PCSK5: variants seen among roughly 807,000 people sequenced by gnomAD.
The protein encoded by PCSK5 is proprotein convertase subtilisin/kexin type 5, also known as prohormone convertase 5.
In PCSK5, 129 loss-of-function variants were observed where a neutral mutation model predicts 233.2. The ratio of observed to expected loss-of-function variants is 0.55; its 90% confidence interval spans 0.48 to 0.64. PCSK5 has a LOEUF of 0.64. PCSK5 is among the 30% of genes least tolerant of loss of function. PCSK5 has a pLI of 0.00. For synonymous variants in PCSK5, 825 were observed against 879.2 expected (o/e 0.94, Z 1.09); for missense variants, 2,076 against 2,430.1 (o/e 0.85, Z 3.06).
chr9:76,185,062 C>T (rs1824037707), intron 17 of PCSK5, among the ~76,000 whole-genome samples: 1 of 152,150 alleles, frequency 6.6e-6, no homozygotes, highest in East Asian at 1.9e-4. Context: ...CTGCATTGTG[C>T]CAGTCAAGGA....
rs147036208 is a variant in PCSK5, at chr9:76,109,438, T to TAAA, written c.1208+2087_1208+2088insAAA. ...ATATTACTGTAACACTATTATTTTT[T>TAAA]TAAAAAAAAAACAGTTCTTTTAATC... On this transcript the variant is annotated intron_variant, in intron 9 of 37. Transcript: ENST00000674117. Among the ~76,000 whole-genome samples the TAAA allele has an allele frequency of 5.6e-3, 420 of 75,120 alleles. 2 individuals are homozygous for TAAA. The highest frequency in any genetic ancestry group is 8.1e-3 in the Admixed American group (73 of 9,000). 49.3% of individuals were successfully genotyped at this position (75,120 alleles called of 152,430 possible). A position where few individuals can be genotyped will look rare whatever the true frequency, so the allele number is the denominator to read the frequency against.
At chr9:75,921,378 G>A (rs376477942) in intron 1 of PCSK5, among the ~76,000 whole-genome samples, 3 of 152,126 alleles carry the variant, frequency 2.0e-5, no homozygotes, top group South Asian at 2.1e-4. Flanking sequence ...GACCGAAAGC[G>A]AACATATACT....
chr9:76,050,558 AAGG>A (rs1313721714), intron 5 of PCSK5, among the ~76,000 whole-genome samples: 1 of 152,176 alleles, frequency 6.6e-6, no homozygotes, highest in Non-Finnish European at 1.5e-5. Flanking sequence ...GTTCAGGTGT[AAGG>A]AGGAGGAAGT....
chr9:76,337,765 C>T (rs1025136400), intron 34 of PCSK5, among the ~76,000 whole-genome samples: 1 of 152,018 alleles, frequency 6.6e-6, no homozygotes, highest in African/African-American at 2.4e-5. Context: ...TGAGCCACTG[C>T]ACCCAGCCTG....
intron 21 of PCSK5, among the ~76,000 whole-genome samples, chr9:76,228,114 C>T (rs913163159): frequency 3.3e-5 from 5 of 151,798 alleles, no homozygotes; most frequent in South Asian, 2.1e-4. Context: ...GGATTATAGG[C>T]GCCCACCACC....
At chr9:76,025,226 A>G (rs962997625) in intron 4 of PCSK5, among the ~76,000 whole-genome samples, 8 of 152,166 alleles carry the variant, frequency 5.3e-5, no homozygotes, top group African/African-American at 1.9e-4. Context: ...TTTCACGAAC[A>G]TTGAAATTAG....
intron 30 of PCSK5, among the ~76,000 whole-genome samples, chr9:76,315,062 C>T (rs1828984572): frequency 6.6e-6 from 1 of 152,094 alleles, no homozygotes; most frequent in Non-Finnish European, 1.5e-5. Flanking sequence ...AAGCAATTCT[C>T]CTGCCTCAGC....
chr9:76,350,765 G>A lies in PCSK5; in HGVS notation c.4967-63G>A, dbSNP rs144913534. 846 of 993,326 alleles carry A rather than the reference G, an allele frequency of 8.5e-4. 6 individuals are homozygous for A. Among genetic ancestry groups the A allele is most frequent in the Middle Eastern group, 4.5e-3 (22 of 4,848 alleles). 61.5% of individuals were successfully genotyped at this position (993,326 alleles called of 1,614,324 possible). Reference sequence around the variant, plus strand: ...CATATTCCTTGTTCCTAAGTGTTCCGGAACAAAGACAGAAGTTGAAATCTA... The same window carrying A: ...CATATTCCTTGTTCCTAAGTGTTCCAGAACAAAGACAGAAGTTGAAATCTA... On this transcript the variant is annotated intron_variant, in intron 35 of 37. Transcript: ENST00000674117.
rs1824019995 is a variant in PCSK5, at chr9:75,935,588, G to A, written c.297+3105G>A. ...TCTACAGACTTTATCCAAATTTTTT[G>A]ATTGCCTCTTTTCAGGGCCAGGAAC... On this transcript the variant is annotated intron_variant, in intron 2 of 37. Transcript: ENST00000674117. Among the ~76,000 whole-genome samples the A allele has an allele frequency of 5.3e-5, 8 of 152,044 alleles. 1 individual carries two copies. In the South Asian group the frequency reaches 1.7e-3, roughly 32 times the overall value.
intron 20 of PCSK5, among the ~76,000 whole-genome samples, chr9:76,220,245 G>A (rs1459924066): frequency 6.6e-6 from 1 of 152,096 alleles, no homozygotes; most frequent in East Asian, 1.9e-4. Context: ...TCACTCTCAG[G>A]GCTGGGCATG....
intron 5 of PCSK5, among the ~76,000 whole-genome samples, chr9:76,042,859 G>C (rs17719947): frequency 1.3e-5 from 2 of 152,166 alleles, no homozygotes; most frequent in East Asian, 3.9e-4. Flanking sequence ...AACGTGCATC[G>C]CAACAGCCTG....
chr9:76,247,449 C>A (rs1359176759), intron 24 of PCSK5, among the ~76,000 whole-genome samples: 1 of 152,114 alleles, frequency 6.6e-6, no homozygotes, highest in Non-Finnish European at 1.5e-5. Flanking sequence ...AGATGATTGG[C>A]TATTTCTTTA....
At chr9:76,227,327 G>A (rs1825926212) in intron 20 of PCSK5, among the ~76,000 whole-genome samples, 176 bp from the exon 21 acceptor site, 1 of 152,210 alleles carries the variant, frequency 6.6e-6, no homozygotes, top group Non-Finnish European at 1.5e-5. Context: ...GAGAGGAGCA[G>A]TTGTTATGAT....
intron 5 of PCSK5, among the ~76,000 whole-genome samples, chr9:76,039,969 A>G (rs1333895847): frequency 6.6e-6 from 1 of 152,232 alleles, no homozygotes; most frequent in Non-Finnish European, 1.5e-5. Flanking sequence ...TCACCTTGTC[A>G]AGCAAGGAGG....
At chr9:76,302,281 T>G in intron 28 of PCSK5, 64 bp downstream of exon 28, 1 of 737,182 alleles carries the variant, frequency 1.4e-6, no homozygotes, top group Middle Eastern at 2.9e-4. Flanking sequence ...ATGGTCTCCG[T>G]GGAGAAATCA....
intron 13 of PCSK5, among the ~76,000 whole-genome samples, chr9:76,172,262 G>A (rs1322188712): frequency 1.3e-5 from 2 of 149,650 alleles, no homozygotes; most frequent in Non-Finnish European, 3.0e-5. Flanking sequence ...TGTTAGCAAG[G>A]AAGATGGATT....
At chr9:76,304,191 G>C (rs2131429366) in intron 28 of PCSK5, among the ~76,000 whole-genome samples, 1 of 152,240 alleles carries the variant, frequency 6.6e-6, no homozygotes, top group African/African-American at 2.4e-5. Context: ...AAGAAAGCCA[G>C]GGTAAATTTT....
At chr9:76,240,415 A>G (rs1332515888) in intron 23 of PCSK5, among the ~76,000 whole-genome samples, 1 of 152,230 alleles carries the variant, frequency 6.6e-6, no homozygotes, top group Non-Finnish European at 1.5e-5. Flanking sequence ...TTTGTACCCA[A>G]TCAAGCTGAT....
chr9:76,103,885 A>G (rs1265499720), intron 8 of PCSK5, among the ~76,000 whole-genome samples: 2 of 152,158 alleles, frequency 1.3e-5, no homozygotes, highest in African/African-American at 4.8e-5. Flanking sequence ...AGCATGCAAG[A>G]TGTGCCATCA....
Sources: gnomAD v4.1 joint callset for allele counts (sites outside exome capture counted in the v4.1 genomes callset) on GRCh38, gnomAD v4.1.1 for gene constraint, MANE v1.5 for transcripts, NCBI Gene and HGNC (gene_info 2026-07-23, HGNC 2026-07-21) for gene names.